L3MBTL2: variants seen among roughly 807,000 people sequenced by gnomAD.
The protein encoded by L3MBTL2 is L3MBTL histone methyl-lysine binding protein 2.
In L3MBTL2, 49 loss-of-function variants were observed where a neutral mutation model predicts 86.4. The observed-to-expected ratio is 0.57, with a 90% CI of 0.45 to 0.72. The LOEUF is 0.72. L3MBTL2 is among the 30% of genes least tolerant of loss of function. The pLI, the probability that L3MBTL2 is intolerant of heterozygous loss-of-function variation, is 0.00. For synonymous variants in L3MBTL2, 336 were observed against 350.6 expected (o/e 0.96, Z 0.47); for missense variants, 755 against 923.7 (o/e 0.82, Z 2.37).
Position 41,213,778 on chromosome 22 carries a change from G to A in L3MBTL2, c.263-115G>A, listed in dbSNP as rs1354154928. Reference sequence around the variant, plus strand: ...TCCTCCTCTTATTCCATTAGCCTTTGTGGGGGCAGGGGCTCACCTGGTTAA... The same window carrying A: ...TCCTCCTCTTATTCCATTAGCCTTTATGGGGGCAGGGGCTCACCTGGTTAA... On this transcript the variant is annotated intron_variant, in intron 2 of 16. Coordinates refer to ENST00000216237, the MANE Select transcript of L3MBTL2 (RefSeq NM_031488.5). 4.4e-6 allele frequency: 5 copies of A among 1,125,904 alleles called. No homozygotes were observed. The East Asian group carries it at 1.2e-4, about 27-fold the overall frequency. 69.7% of individuals were successfully genotyped at this position (1,125,904 alleles called of 1,614,324 possible). A position where few individuals can be genotyped will look rare whatever the true frequency, so the allele number is the denominator to read the frequency against.
intron 6 of L3MBTL2, among the ~76,000 whole-genome samples, chr22:41,220,275 C>T (rs1388884602): frequency 6.6e-6 from 1 of 152,128 alleles, no homozygotes. Context: ...TAATGCTTTC[C>T]GAACTAGGAG....
At chr22:41,208,575 A>T in intron 1 of L3MBTL2, 1 of 239,716 alleles carries the variant, frequency 4.2e-6, no homozygotes, top group Non-Finnish European at 8.4e-6. Flanking sequence ...ATAGCTAGTT[A>T]GGCTCAGAGC....
At position 41,205,373 on chromosome 22, in the gene L3MBTL2, C is replaced by A; in HGVS notation, c.11C>A (p.Pro4His). Reference protein sequence around the residue: MEKPRSIEETPSSE... With the variant: MEKHRSIEETPSSE... Reference sequence around the variant, plus strand: ...CGAAACTGAGGTCTCATGGAGAAGCCCCGGAGTATTGAGGTGAGAAGGCGA... The same window carrying A: ...CGAAACTGAGGTCTCATGGAGAAGCACCGGAGTATTGAGGTGAGAAGGCGA... Residue 4 changes from proline to histidine, a missense_variant, in exon 1 of 17, where the codon CCC becomes CAC. Transcript: ENST00000216237. 2 of 1,614,168 alleles carry A rather than the reference C, an allele frequency of 1.2e-6. No individual in the cohort carries two copies. Among genetic ancestry groups the A allele is most frequent in the Non-Finnish European group, 1.7e-6 (2 of 1,180,036 alleles).
chr22:41,208,264 G>T, intron 1 of L3MBTL2: 1 of 418,980 alleles, frequency 2.4e-6, no homozygotes, highest in East Asian at 8.3e-5. Flanking sequence ...CAAGAAGCTG[G>T]GACTACAGGC....
At chr22:41,215,183 C>T (rs763129593) in intron 3 of L3MBTL2, among the ~76,000 whole-genome samples, 2 of 152,164 alleles carry the variant, frequency 1.3e-5, no homozygotes, top group Non-Finnish European at 2.9e-5. Flanking sequence ...GCTTCATACA[C>T]TGTCGCCTTT....
chr22:41,220,420 G>T (rs1169554418), intron 6 of L3MBTL2, among the ~76,000 whole-genome samples: 1 of 151,982 alleles, frequency 6.6e-6, no homozygotes, highest in Non-Finnish European at 1.5e-5. Flanking sequence ...AGGCCCGGTG[G>T]CTCACGCCTG....
chr22:41,220,314 G>A (rs1601520028), intron 6 of L3MBTL2, among the ~76,000 whole-genome samples: 1 of 152,286 alleles, frequency 6.6e-6, no homozygotes, highest in Non-Finnish European at 1.5e-5. Context: ...GGACTGTTGT[G>A]GACAACAGGA....
chr22:41,216,854 G>T (rs558550219), intron 4 of L3MBTL2, among the ~76,000 whole-genome samples: 17 of 152,304 alleles, frequency 1.1e-4, no homozygotes, highest in South Asian at 6.2e-4. Flanking sequence ...TTTCCCCTTT[G>T]GGGGAAGAAG....
chr22:41,210,431 A>G (rs1033518034), intron 2 of L3MBTL2, among the ~76,000 whole-genome samples: 10 of 151,794 alleles, frequency 6.6e-5, no homozygotes, highest in African/African-American at 2.4e-4. Context: ...CCGGGTTCAC[A>G]CCATTCTCCT....
intron 2 of L3MBTL2, among the ~76,000 whole-genome samples, chr22:41,211,916 C>T (rs1189755016): frequency 1.8e-4 from 17 of 95,286 alleles, no homozygotes; most frequent in East Asian, 7.0e-4. Context: ...CAGGCCGGAA[C>T]GCAGTGGCAC....
chr22:41,210,353 G>A (rs919409084), intron 2 of L3MBTL2, among the ~76,000 whole-genome samples: 8 of 151,366 alleles, frequency 5.3e-5, no homozygotes, highest in African/African-American at 1.2e-4. Flanking sequence ...TGTTTGAGAC[G>A]GAGTCTCGCT....
At chr22:41,226,010 C>G (rs1601533862) in intron 12 of L3MBTL2, 69 bp downstream of exon 12, 3 of 1,517,994 alleles carry the variant, frequency 2.0e-6, no homozygotes, top group Non-Finnish European at 2.7e-6. Flanking sequence ...GGCGCGGTGG[C>G]TCCCGCCTGT....
chr22:41,208,327 G>T (rs1173644627), intron 1 of L3MBTL2: 3 of 447,082 alleles, frequency 6.7e-6, no homozygotes, highest in Non-Finnish European at 1.3e-5. Flanking sequence ...ATGGGGTGTG[G>T]CTGTGTTGCC....
intron 5 of L3MBTL2, 54 bp downstream of exon 5, chr22:41,217,256 T>C: frequency 7.2e-7 from 1 of 1,391,116 alleles, no homozygotes; most frequent in South Asian, 1.2e-5. Context: ...CTGGAGCTGC[T>C]CCTCCACCTG....
intron 8 of L3MBTL2, among the ~76,000 whole-genome samples, chr22:41,222,558 A>G (rs1026972259): frequency 1.3e-5 from 2 of 152,112 alleles, no homozygotes; most frequent in South Asian, 4.1e-4. Flanking sequence ...CAAGAGGATC[A>G]CTTGAGGCCA....
At position 41,230,388 on chromosome 22, in the gene L3MBTL2, G is replaced by A. The variant is rs570889908; in HGVS notation, c.*137G>A. ...ATTCTGCCCGGTGCTGTGAAGGCTG[G>A]ACGGTGGAGGACCTGCTGGGGTCTC... On this transcript the variant is annotated 3_prime_UTR_variant, in exon 17 of 17. Coordinates refer to ENST00000216237, the MANE Select transcript of L3MBTL2 (RefSeq NM_031488.5). 3.0e-5 allele frequency: 20 copies of A among 670,188 alleles called. No homozygotes were observed. The East Asian group carries it at 5.2e-4, about 17-fold the overall frequency. The allele number at this position is 670,188 out of a possible 1,614,324, so 41.5% of individuals were successfully genotyped here. A position where few individuals can be genotyped will look rare whatever the true frequency, so the allele number is the denominator to read the frequency against.
chr22:41,215,922 C>T (rs1166499177), intron 3 of L3MBTL2, among the ~76,000 whole-genome samples: 2 of 152,200 alleles, frequency 1.3e-5, no homozygotes, highest in Non-Finnish European at 2.9e-5. Context: ...CCCTGCTCTG[C>T]AGCACTGCCT....
At chr22:41,211,055 G>T (rs576884456) in intron 2 of L3MBTL2, among the ~76,000 whole-genome samples, 1 of 152,228 alleles carries the variant, frequency 6.6e-6, no homozygotes, top group African/African-American at 2.4e-5. Flanking sequence ...AATCCCTATG[G>T]ATCATCTGGA....
Position 41,224,592 on chromosome 22 carries a change from T to A in L3MBTL2, c.1175-133T>A. The A allele has an allele frequency of 1.5e-6, 1 of 673,302 alleles. No individual in the cohort carries two copies. The highest frequency in any genetic ancestry group is 1.8e-5 in the South Asian group (1 of 55,860). The allele number at this position is 673,302 out of a possible 1,614,324, so 41.7% of individuals were successfully genotyped here. ...CTGTCTGCTACTCTGGGGTGGGGGG[T>A]CCTGAGATACAGAGATACAGCTGAG... is the stretch of plus-strand genomic sequence containing the variant. On this transcript the variant is annotated intron_variant, in intron 9 of 16. Transcript: ENST00000216237. The surrounding 1 kb of genome is among the most constrained non-coding windows in gnomAD (Gnocchi z 4.9).
Sources: allele counts gnomAD v4.1 joint callset (sites outside exome capture counted in the v4.1 genomes callset), GRCh38; gene constraint gnomAD v4.1.1; non-coding constraint Gnocchi (gnomAD v3.1); transcripts MANE v1.5; gene names NCBI Gene and HGNC (gene_info 2026-07-23, HGNC 2026-07-21).